The following MRPL48 variants were observed in gnomAD, a reference collection of about 807,000 sequenced individuals.
The protein encoded by MRPL48 is mitochondrial ribosomal protein L48, also known as large ribosomal subunit protein mL48.
In MRPL48, 16 loss-of-function variants were observed where a neutral mutation model predicts 32.9. The observed-to-expected ratio is 0.49, with a 90% CI of 0.33 to 0.74. The LOEUF (loss-of-function observed/expected upper bound fraction) is 0.74, where lower values mean the gene tolerates loss of function less well. MRPL48 is among the 30% of genes least tolerant of loss of function. The probability of loss-of-function intolerance (pLI) is 0.02; values close to 1 mark genes in which losing one functional copy is unlikely to be tolerated. For synonymous variants in MRPL48, 94 were observed against 89.2 expected (o/e 1.05, Z -0.31); for missense variants, 206 against 245.3 (o/e 0.84, Z 1.07).
chr11:73,829,885 C>T (rs557381067), intron 4 of MRPL48, among the ~76,000 whole-genome samples: 1 of 152,294 alleles, frequency 6.6e-6, no homozygotes, highest in East Asian at 1.9e-4. Context: ...CCTCTTCAGC[C>T]TCCTGAGTAG....
chr11:73,829,888 CTGAGTAGCTAGGATTACAGGA>C (rs1031134755), intron 4 of MRPL48, among the ~76,000 whole-genome samples: 16 of 152,160 alleles, frequency 1.1e-4, no homozygotes, highest in African/African-American at 3.6e-4. Flanking sequence ...CTTCAGCCTC[CTGAGTAGCTAGGATTACAGGA>C]GTATACCACT....
intron 3 of MRPL48, among the ~76,000 whole-genome samples, chr11:73,816,803 T>G (rs2515093): frequency 0.51 from 77,972 of 151,408 alleles, 21,248 homozygotes; most frequent in African/African-American, 0.71. Context: ...CTAATTCGGA[T>G]GTCATTTTTT....
intron 1 of MRPL48, among the ~76,000 whole-genome samples, chr11:73,792,894 T>G (rs370207404): frequency 1.8e-4 from 27 of 152,346 alleles, no homozygotes; most frequent in African/African-American, 6.5e-4. Context: ...AATTTAATCA[T>G]GTCAACAAGT....
At chr11:73,788,138 C>T (rs954198761) in intron 1 of MRPL48, 146 bp downstream of exon 1, 11 of 1,242,788 alleles carry the variant, frequency 8.9e-6, no homozygotes, top group Non-Finnish European at 1.1e-5. Context: ...TTCCCAGCAG[C>T]ACATGCGGCT....
intron 3 of MRPL48, among the ~76,000 whole-genome samples, chr11:73,809,240 C>G (rs1287740126): frequency 1.3e-5 from 2 of 151,350 alleles, no homozygotes; most frequent in Non-Finnish European, 2.9e-5. Flanking sequence ...TGGCCAGGTG[C>G]CTCACGCCTG....
chr11:73,800,344 A>G (rs1430109572), intron 1 of MRPL48, among the ~76,000 whole-genome samples: 1 of 152,204 alleles, frequency 6.6e-6, no homozygotes, highest in Non-Finnish European at 1.5e-5. Flanking sequence ...ATATTTATTA[A>G]TACACAAATA....
chr11:73,845,961 G>GCCCAATTTTAC, intron 5 of MRPL48, among the ~76,000 whole-genome samples: 1 of 151,366 alleles, frequency 6.6e-6, no homozygotes, highest in Middle Eastern at 3.4e-3. Context: ...CCAGCTACTT[G>GCCCAATTTTAC]CGAGGCTGAG....
At chr11:73,818,408 G>A (rs1792156) in intron 3 of MRPL48, among the ~76,000 whole-genome samples, 77,638 of 152,124 alleles carry the variant, frequency 0.51, 21,070 homozygotes, top group African/African-American at 0.71. Context: ...AAGCAGAGAA[G>A]CGTGGTATTT....
chr11:73,861,363 T>TG (rs1948581692), intron 6 of MRPL48, among the ~76,000 whole-genome samples: 2 of 152,046 alleles, frequency 1.3e-5, no homozygotes, highest in Non-Finnish European at 2.9e-5. Context: ...AGTTTGTTTT[T>TG]TTTTGTTTGT....
intron 3 of MRPL48, among the ~76,000 whole-genome samples, chr11:73,824,459 C>T (rs1009860855): frequency 2.6e-5 from 4 of 151,924 alleles, no homozygotes; most frequent in African/African-American, 4.8e-5. Flanking sequence ...GTGGCGCGTG[C>T]CTGTAATCCC....
At chr11:73,817,567 AT>A (rs1294383557) in intron 3 of MRPL48, among the ~76,000 whole-genome samples, 4 of 151,976 alleles carry the variant, frequency 2.6e-5, no homozygotes, top group African/African-American at 9.7e-5. Context: ...TGTGTTTGGA[AT>A]TTTCATGTCT....
chr11:73,817,358 C>G (rs1359908367), intron 3 of MRPL48, among the ~76,000 whole-genome samples: 1 of 152,116 alleles, frequency 6.6e-6, no homozygotes, highest in Non-Finnish European at 1.5e-5. Flanking sequence ...ACTTAGGGTA[C>G]ATTTCTGAAA....
At chr11:73,863,512 A>C (rs1948620001) in intron 7 of MRPL48, among the ~76,000 whole-genome samples, 1 of 152,196 alleles carries the variant, frequency 6.6e-6, no homozygotes, top group South Asian at 2.1e-4. Flanking sequence ...TGGTGAGCCT[A>C]TGAGGCCCCA....
chr11:73,856,297 A>C (rs1401031399), intron 5 of MRPL48, among the ~76,000 whole-genome samples: 2 of 139,106 alleles, frequency 1.4e-5, no homozygotes, highest in Admixed American at 1.4e-4. Flanking sequence ...AGATGAAATT[A>C]TTTTCTTCTG....
rs146388136 is a variant in MRPL48 at position 73,849,042 on chromosome 11, G to A, written c.371+4066G>A. Among the ~76,000 whole-genome samples, 9 of 151,724 alleles carry A rather than the reference G, an allele frequency of 5.9e-5. No homozygotes were observed. The East Asian group carries it at 1.2e-3, about 20-fold the overall frequency. The stretch of plus-strand genomic sequence containing the variant: ...TTGCCATGTTGCCCAGGCTGGTCTC[G>A]GACTCCTGAAGTCAGGCAATCTGCC... On this transcript the variant is annotated intron_variant, in intron 5 of 7. Coordinates refer to ENST00000310614, the MANE Select transcript of MRPL48 (RefSeq NM_016055.6).
intron 4 of MRPL48, among the ~76,000 whole-genome samples, chr11:73,835,995 G>A (rs551955499): frequency 9.2e-5 from 14 of 151,438 alleles, no homozygotes; most frequent in Non-Finnish European, 1.5e-4. Context: ...GTGCAGTGGC[G>A]CGATCTTGGC....
intron 6 of MRPL48, among the ~76,000 whole-genome samples, chr11:73,862,596 G>A (rs1481525052): frequency 2.6e-5 from 4 of 151,724 alleles, no homozygotes; most frequent in South Asian, 4.2e-4. Context: ...GCAAGACTCC[G>A]TCTCAAAAAT....
At chr11:73,820,534 C>T (rs774816797) in intron 3 of MRPL48, among the ~76,000 whole-genome samples, 6 of 152,128 alleles carry the variant, frequency 3.9e-5, no homozygotes, top group Non-Finnish European at 2.9e-5. Context: ...ACTCTCATCT[C>T]TTAGGTGCAT....
intron 4 of MRPL48, among the ~76,000 whole-genome samples, chr11:73,830,671 A>T (rs1947976522): frequency 6.6e-6 from 1 of 152,036 alleles, no homozygotes; most frequent in African/African-American, 2.4e-5. Flanking sequence ...AAGACGAGTA[A>T]ATTCTCATGC....
Sources: gnomAD v4.1 joint callset for allele counts (sites outside exome capture counted in the v4.1 genomes callset) on GRCh38, gnomAD v4.1.1 for gene constraint, MANE v1.5 for transcripts, NCBI Gene and HGNC (gene_info 2026-07-23, HGNC 2026-07-21) for gene names.